The following CDK6 variants were observed in gnomAD, a reference collection of about 807,000 sequenced individuals.
CDK6 encodes cyclin dependent kinase 6.
Under a neutral mutation model 37.1 loss-of-function variants are expected in CDK6, and 6 were observed. The observed-to-expected ratio is 0.16, with a 90% CI of 0.09 to 0.32. The LOEUF (loss-of-function observed/expected upper bound fraction) is 0.32. Ranked by LOEUF, CDK6 falls within the 10% of genes least tolerant of loss-of-function variation. The probability of loss-of-function intolerance (pLI) is 1.00; values close to 1 mark genes in which losing one functional copy is unlikely to be tolerated. For synonymous variants in CDK6, 160 were observed against 161.3 expected, an observed-to-expected ratio of 0.99 and a Z score of 0.06; for missense variants, 224 against 418.9, an observed-to-expected ratio of 0.53 and a Z score of 4.06.
intron 2 of CDK6, 33 bp from the exon 3 acceptor site, chr7:92,774,864 GC>G: frequency 6.3e-7 from 1 of 1,591,560 alleles, no homozygotes; most frequent in East Asian, 2.3e-5. Flanking sequence ...TAAGTAGGTG[GC>G]AATAAGCAAA....
chr7:92,629,811 G>A (rs1001064678), intron 5 of CDK6, among the ~76,000 whole-genome samples: 3 of 152,108 alleles, frequency 2.0e-5, no homozygotes, highest in African/African-American at 7.2e-5. Flanking sequence ...TCTGTAGGGT[G>A]GAAAGCCTGA....
intron 2 of CDK6, among the ~76,000 whole-genome samples, chr7:92,780,482 T>A (rs765532584): frequency 2.0e-5 from 3 of 150,894 alleles, no homozygotes; most frequent in Non-Finnish European, 4.4e-5. Flanking sequence ...GAAAATAGGC[T>A]GGGCGCGGTG....
chr7:92,787,853 C>T (rs1026932124), intron 2 of CDK6, among the ~76,000 whole-genome samples: 2 of 151,922 alleles, frequency 1.3e-5, no homozygotes, highest in African/African-American at 4.8e-5. Flanking sequence ...CCCTTTGTAA[C>T]GTAACAAGGT....
chr7:92,802,774 A>C (rs2115905806), intron 2 of CDK6, among the ~76,000 whole-genome samples: 1 of 152,304 alleles, frequency 6.6e-6, no homozygotes, highest in South Asian at 2.1e-4. Context: ...GGGTTTCTCA[A>C]CCATGGAGCT....
Position 92,608,454 on chromosome 7 carries a change from A to G in CDK6, c.*6686T>C, listed in dbSNP as rs1399760159. The G allele has an allele frequency of 4.3e-6, 1 of 230,858 alleles. No homozygotes were observed. Among genetic ancestry groups the G allele is most frequent in the African/African-American group, 2.2e-5 (1 of 45,256 alleles). 14.3% of individuals were successfully genotyped at this position (230,858 alleles called of 1,614,324 possible). A position where few individuals can be genotyped will look rare whatever the true frequency, so the allele number is the denominator to read the frequency against. On this transcript the variant is annotated 3_prime_UTR_variant, in exon 8 of 8. Coordinates refer to ENST00000424848, the MANE Select transcript of CDK6 (RefSeq NM_001145306.2). ...CAGAAAATAAACTTTTCAAAACAAA[A>G]CTTTTCCAGGCATATCTTTCACCAT...
At chr7:92,787,203 A>AG (rs1800166439) in intron 2 of CDK6, among the ~76,000 whole-genome samples, 1 of 151,694 alleles carries the variant, frequency 6.6e-6, no homozygotes, top group Non-Finnish European at 1.5e-5. Flanking sequence ...AAAAAAAAAA[A>AG]AAAAAATGTA....
intron 4 of CDK6, among the ~76,000 whole-genome samples, chr7:92,692,809 A>G (rs1797627311): frequency 6.6e-6 from 1 of 152,126 alleles, no homozygotes; most frequent in African/African-American, 2.4e-5. Context: ...ACAAAAAACA[A>G]AAACAACTAC....
chr7:92,823,471 A>T (rs1364576562), intron 2 of CDK6, among the ~76,000 whole-genome samples: 4 of 117,214 alleles, frequency 3.4e-5, no homozygotes, highest in Non-Finnish European at 7.1e-5. Flanking sequence ...AAAAAAAAAA[A>T]GTCATTTCAA....
At chr7:92,709,725 T>C (rs957733519) in intron 4 of CDK6, among the ~76,000 whole-genome samples, 5 of 152,332 alleles carry the variant, frequency 3.3e-5, no homozygotes, top group African/African-American at 1.2e-4. Context: ...ATAATTTTTC[T>C]TATTGCCTCA....
chr7:92,616,031 G>A (rs140395888), intron 7 of CDK6, among the ~76,000 whole-genome samples: 13 of 151,952 alleles, frequency 8.6e-5, no homozygotes, highest in African/African-American at 1.9e-4. Context: ...TTCCATCAAC[G>A]CCTCCTGCTG....
At chr7:92,729,471 CT>C (rs1402302484) in intron 3 of CDK6, among the ~76,000 whole-genome samples, 1 of 152,154 alleles carries the variant, frequency 6.6e-6, no homozygotes, top group Non-Finnish European at 1.5e-5. Flanking sequence ...CTCACTCTAT[CT>C]TTTTAAAACA....
chr7:92,640,215 C>G (rs1796271328), intron 5 of CDK6, among the ~76,000 whole-genome samples: 1 of 152,168 alleles, frequency 6.6e-6, no homozygotes, highest in Non-Finnish European at 1.5e-5. Context: ...GCACTGGAAA[C>G]AGCTGGTGTT....
intron 3 of CDK6, among the ~76,000 whole-genome samples, chr7:92,731,656 T>C (rs1032844799): frequency 7.9e-5 from 12 of 152,088 alleles, no homozygotes; most frequent in East Asian, 5.8e-4. Context: ...TAATCAAATA[T>C]GTATTCTGAA....
rs1172705586 is a variant in CDK6 at position 92,605,577 on chromosome 7, A to AT, written c.*9562dup. The AT allele has an allele frequency of 4.3e-6, 1 of 233,006 alleles. No homozygotes were observed. Among genetic ancestry groups the AT allele is most frequent in the Non-Finnish European group, 8.5e-6 (1 of 117,992 alleles). 14.4% of individuals were successfully genotyped at this position (233,006 alleles called of 1,614,324 possible). On this transcript the variant is annotated 3_prime_UTR_variant, in exon 8 of 8. Coordinates refer to ENST00000424848, the MANE Select transcript of CDK6 (RefSeq NM_001145306.2). ...GGAAGGGTATAGATAAACTGGCTATATTTTCATCTGCCTCTTGGGAAAGGA... is the reference window on the plus strand; with the variant it reads ...GGAAGGGTATAGATAAACTGGCTATATTTTTCATCTGCCTCTTGGGAAAGGA...
intron 2 of CDK6, among the ~76,000 whole-genome samples, chr7:92,812,739 T>C (rs943042258): frequency 6.6e-6 from 1 of 152,156 alleles, no homozygotes; most frequent in East Asian, 1.9e-4. Flanking sequence ...ACTCAAACTT[T>C]TTAAGATGAC....
At chr7:92,707,141 A>T (rs1272701843) in intron 4 of CDK6, among the ~76,000 whole-genome samples, 1 of 152,212 alleles carries the variant, frequency 6.6e-6, no homozygotes, top group African/African-American at 2.4e-5. Flanking sequence ...CTTCATATTC[A>T]GGTTCAAAGA....
chr7:92,695,114 A>G (rs1401472593), intron 4 of CDK6, among the ~76,000 whole-genome samples: 5 of 152,150 alleles, frequency 3.3e-5, no homozygotes, highest in African/African-American at 9.6e-5. Flanking sequence ...TGTCAATAAT[A>G]GACTTTTAAA....
chr7:92,663,703 A>G (rs988137633), intron 5 of CDK6, among the ~76,000 whole-genome samples: 1 of 147,182 alleles, frequency 6.8e-6, no homozygotes, highest in East Asian at 2.0e-4. Flanking sequence ...TCTGTCTCCA[A>G]AAAAAAAAAA....
intron 4 of CDK6, among the ~76,000 whole-genome samples, chr7:92,704,957 G>C (rs112294342): frequency 1.1e-4 from 17 of 152,274 alleles, no homozygotes; most frequent in African/African-American, 4.1e-4. Flanking sequence ...CTTCAACAGA[G>C]GATCAGTTTT....
Sources: gnomAD v4.1 joint callset for allele counts (sites outside exome capture counted in the v4.1 genomes callset) on GRCh38, gnomAD v4.1.1 for gene constraint, MANE v1.5 for transcripts, NCBI Gene and HGNC (gene_info 2026-07-23, HGNC 2026-07-21) for gene names.